Variants in ENAH observed in about 807,000 individuals in gnomAD.
ENAH encodes the protein protein enabled homolog.
A neutral mutation model predicts 78.7 loss-of-function variants in ENAH; 23 were observed. The observed-to-expected ratio is 0.29, with a 90% CI of 0.21 to 0.41. The LOEUF is 0.41. ENAH is among the 10% of genes least tolerant of loss of function. The probability of loss-of-function intolerance (pLI) is 1.00; values close to 1 mark genes in which losing one functional copy is unlikely to be tolerated. For missense variants in ENAH, 544 were observed against 691.0 expected, an observed-to-expected ratio of 0.79 and a Z score of 2.39; for synonymous variants, 226 against 241.0, an observed-to-expected ratio of 0.94 and a Z score of 0.58.
At position 225,514,888 on chromosome 1, in the gene ENAH, C is replaced by A. The variant is rs1241391463; in HGVS notation, c.926G>T (p.Gly309Val). The A allele has an allele frequency of 1.6e-5, 25 of 1,610,690 alleles. No homozygotes were observed. Among genetic ancestry groups the A allele is most frequent in the Non-Finnish European group, 2.1e-5 (25 of 1,179,108 alleles). ...TGGAGGAGGTGGAGGTGCAAGTGGT[C>A]CCAAGACAATGCCTGAGAGAGAGAA... ...ETPSQQGIVL[G>V]PLAPPPPPPL... The change falls in exon 7 of 14, where the codon GGA becomes GTA. Residue 309 changes from glycine (G) to valine (V), a missense_variant. Physicochemically the swap from Gly to Val is moderately radical, Grantham distance 109. This residue lies in a region of ENAH where 366 missense variants were observed against 396.1 expected (regional missense o/e 0.92). Coordinates refer to ENST00000366843, the MANE Select transcript of ENAH (RefSeq NM_018212.6).
Position 225,652,864 on chromosome 1 carries a change from C to A in ENAH, c.-174G>T. 2.3e-6 allele frequency: 1 copy of A among 430,348 alleles called. No homozygotes were observed. The highest frequency in any genetic ancestry group is 3.9e-6 in the Non-Finnish European group (1 of 255,940). The allele number at this position is 430,348 out of a possible 1,614,324, so 26.7% of individuals were successfully genotyped here. On this transcript the variant is annotated 5_prime_UTR_variant, in exon 1 of 14. Transcript: ENST00000366843. ...ATCTCCTCGCACAAAGCCGAGGCGC[C>A]GGCCGGGAGTGTGGGAGAAGAGGGC... is the stretch of plus-strand genomic sequence containing the variant.
chr1:225,652,743 G>C lies in ENAH; in HGVS notation c.-53C>G, dbSNP rs558504433. The C allele has an allele frequency of 1.5e-6, 2 of 1,304,626 alleles. No homozygotes were observed. Among genetic ancestry groups the C allele is most frequent in the Non-Finnish European group, 1.9e-6 (2 of 1,029,158 alleles). 80.8% of individuals were successfully genotyped at this position (1,304,626 alleles called of 1,614,324 possible). A position where few individuals can be genotyped will look rare whatever the true frequency, so the allele number is the denominator to read the frequency against. On this transcript the variant is annotated 5_prime_UTR_variant, in exon 1 of 14. Coordinates refer to ENST00000366843, the MANE Select transcript of ENAH (RefSeq NM_018212.6). ...CCAGCCGGGAGACGCAGAAGGCGCC[G>C]AGCCGAGGGGGGGGTCTCTCCTCCA...
chr1:225,623,107 G>A (rs745665651), intron 1 of ENAH, among the ~76,000 whole-genome samples: 4 of 152,142 alleles, frequency 2.6e-5, no homozygotes, highest in African/African-American at 4.8e-5. Flanking sequence ...AAGAAAGGCA[G>A]ATAGAATTTT....
intron 4 of ENAH, among the ~76,000 whole-genome samples, chr1:225,521,104 A>AT (rs1416931253): frequency 6.6e-6 from 1 of 151,974 alleles, no homozygotes; most frequent in Non-Finnish European, 1.5e-5. Flanking sequence ...CAGCATCTTT[A>AT]TTTTCCATGA....
chr1:225,652,821 C>G lies in ENAH; in HGVS notation c.-131G>C. The G allele has an allele frequency of 1.4e-6, 1 of 699,012 alleles. No individual in the cohort carries two copies. The highest frequency in any genetic ancestry group is 2.0e-6 in the Non-Finnish European group (1 of 493,726). 43.3% of individuals were successfully genotyped at this position (699,012 alleles called of 1,614,324 possible). On this transcript the variant is annotated 5_prime_UTR_variant, in exon 1 of 14. Transcript: ENST00000366843. ...GACAAGTGTCCGGCTCCTCCTTCGG[C>G]GGCCAGGGGGCTACACCATCTCCTC...
chr1:225,627,748 A>T (rs981935172), intron 1 of ENAH, among the ~76,000 whole-genome samples: 2 of 152,204 alleles, frequency 1.3e-5, no homozygotes, highest in Non-Finnish European at 2.9e-5. Context: ...CTCAGGCTAC[A>T]TCTAATTAGC....
intron 3 of ENAH, chr1:225,531,046 C>T (rs1244755959): frequency 2.5e-6 from 1 of 399,434 alleles, no homozygotes; most frequent in Non-Finnish European, 4.4e-6. Context: ...AAAAACTCAC[C>T]TAAATAGAAC....
At chr1:225,527,312 A>G (rs894155643) in intron 4 of ENAH, among the ~76,000 whole-genome samples, 6 of 152,344 alleles carry the variant, frequency 3.9e-5, no homozygotes, top group African/African-American at 1.4e-4. Flanking sequence ...TGTGCCTCTG[A>G]AGATTAAATC....
intron 4 of ENAH, among the ~76,000 whole-genome samples, chr1:225,529,863 T>G (rs1389875917): frequency 6.6e-6 from 1 of 152,184 alleles, no homozygotes; most frequent in East Asian, 1.9e-4. Context: ...GCTCCTCCCC[T>G]GTCCTCCCCA....
intron 1 of ENAH, among the ~76,000 whole-genome samples, chr1:225,619,397 A>G (rs1370346993): frequency 1.3e-5 from 2 of 152,152 alleles, no homozygotes; most frequent in Non-Finnish European, 2.9e-5. Flanking sequence ...TACTAAAATT[A>G]GCTGGGCATG....
intron 1 of ENAH, among the ~76,000 whole-genome samples, chr1:225,586,636 T>C (rs1293608634): frequency 6.6e-6 from 1 of 152,010 alleles, no homozygotes; most frequent in African/African-American, 2.4e-5. Flanking sequence ...CATGACAAAG[T>C]AGGGTTTATT....
chr1:225,590,270 T>C (rs751680861), intron 1 of ENAH, among the ~76,000 whole-genome samples: 26 of 147,014 alleles, frequency 1.8e-4, no homozygotes, highest in Non-Finnish European at 1.4e-4. Flanking sequence ...AGGCCAGGAG[T>C]TCGACACCTG....
intron 4 of ENAH, chr1:225,524,805 G>T (rs2096492880): frequency 1.3e-5 from 4 of 319,946 alleles, no homozygotes. Flanking sequence ...ACTAACATAG[G>T]ACTGACTCAT....
chr1:225,492,588 T>G lies in ENAH; in HGVS notation c.*5187A>C, dbSNP rs1238641889. The G allele has an allele frequency of 6.6e-6, 1 of 152,192 alleles. No homozygotes were observed. The highest frequency in any genetic ancestry group is 1.5e-5 in the Non-Finnish European group (1 of 68,048). The allele number at this position is 152,192 out of a possible 1,614,324, so 9.4% of individuals were successfully genotyped here. ...GAACGGGGGTGCAGCTCAGTGACTG[T>G]GATTCTTTGGTTCAAACACTTAATT... On this transcript the variant is annotated 3_prime_UTR_variant, in exon 14 of 14. Transcript: ENST00000366843.
intron 1 of ENAH, among the ~76,000 whole-genome samples, chr1:225,631,356 G>T (rs1841655): frequency 0.058 from 8,834 of 151,748 alleles, 290 homozygotes; most frequent in African/African-American, 0.098. Context: ...GATCACCTGA[G>T]GTCAGGAGTT....
At chr1:225,601,958 T>C (rs1306658321) in intron 1 of ENAH, among the ~76,000 whole-genome samples, 2 of 150,456 alleles carry the variant, frequency 1.3e-5, no homozygotes, top group African/African-American at 4.9e-5. Context: ...GCCAAATAAA[T>C]AAAAAGGAAA....
At chr1:225,503,658 CAAAAAAAAAA>C (rs10683254) in intron 11 of ENAH, among the ~76,000 whole-genome samples, 1 of 82,948 alleles carries the variant, frequency 1.2e-5, no homozygotes, top group African/African-American at 5.1e-5. Context: ...CAAACCACCT[CAAAAAAAAAA>C]AAAAAAAAAA....
Position 225,525,857 on chromosome 1 carries a change from C to T in ENAH, c.434+4697G>A, listed in dbSNP as rs150708734. 2.0e-4 allele frequency among the ~76,000 whole-genome samples: 30 copies of T among 152,198 alleles called. No homozygotes were observed. The East Asian group carries it at 5.6e-3, about 28-fold the overall frequency. ...ATCTTACTTATTCTAGGACAACATT[C>T]TAAAATACCATAGTGAGAGGTCTTG... On this transcript the variant is annotated intron_variant, in intron 4 of 13. Transcript: ENST00000366843.
intron 9 of ENAH, 91 bp from the exon 10 acceptor site, chr1:225,511,950 T>A: frequency 1.4e-6 from 1 of 737,956 alleles, no homozygotes; most frequent in Non-Finnish European, 2.2e-6. Context: ...CTAATATTCT[T>A]TCTGCCACTC....
Sources: allele counts gnomAD v4.1 joint callset (sites outside exome capture counted in the v4.1 genomes callset), GRCh38; gene constraint gnomAD v4.1.1; regional missense constraint gnomAD v4.1.1; transcripts MANE v1.5; gene names NCBI Gene and HGNC (gene_info 2026-07-23, HGNC 2026-07-21).